The following ZSWIM8 variants were observed in gnomAD, a reference collection of about 807,000 sequenced individuals.
ZSWIM8 encodes zinc finger SWIM-type containing 8.
In ZSWIM8, 27 loss-of-function variants were observed where a neutral mutation model predicts 173.7. The ratio of observed to expected loss-of-function variants is 0.16; its 90% CI spans 0.11 to 0.21. The LOEUF (loss-of-function observed/expected upper bound fraction) is 0.21. Among genes scored for constraint, ZSWIM8 ranks in the 10% least tolerant of loss-of-function variants. The pLI is 1.00. For missense variants in ZSWIM8, 1,627 were observed against 2,428.8 expected, an observed-to-expected ratio of 0.67 and a Z score of 6.94; for synonymous variants, 958 against 962.0, an observed-to-expected ratio of 1.00 and a Z score of 0.08.
At position 73,792,379 on chromosome 10, in the gene ZSWIM8, C is replaced by T. The variant is rs1051184971; in HGVS notation, c.1840C>T (p.Leu614=). Residue 614 remains leucine (L), a synonymous_variant, in exon 10 of 26, where the codon CTG becomes TTG. Transcript: ENST00000604729. This position sits in a 1 kb window ranked among gnomAD's most constrained non-coding sequence, Gnocchi z 4.3. The part of the protein sequence containing the change: ...KRRLSSEDSS[L]EPDLAEMSLD... ...ACGGCTGAGCAGCGAAGACAGCTCC[C>T]TGGAGCCAGACCTGGCCGAGATGAG... is the stretch of plus-strand genomic sequence containing the variant. 54 of 1,607,580 alleles carry T rather than the reference C, an allele frequency of 3.4e-5. No individual in the cohort carries two copies. The highest frequency in any genetic ancestry group is 4.6e-5 in the Non-Finnish European group (54 of 1,177,160).
At position 73,789,392 on chromosome 10, in the gene ZSWIM8, G is replaced by T; in HGVS notation, c.483G>T (p.Val161=). The part of the protein sequence containing the change: ...QIGFHLSATV[V]PPQMVPPKGA... The stretch of plus-strand genomic sequence containing the variant: ...GGTTCCACCTGAGTGCTACAGTGGT[G>T]CCACCTCAGATGGTCCCTCCTAAAG... Residue 161 remains valine (V), a synonymous_variant, in exon 4 of 26, where the codon GTG becomes GTT. Coordinates refer to ENST00000604729, the MANE Select transcript of ZSWIM8 (RefSeq NM_001367799.1). This position sits in a 1 kb window ranked among gnomAD's most constrained non-coding sequence, Gnocchi z 6.8. The T allele has an allele frequency of 5.7e-6, 9 of 1,569,510 alleles. No homozygotes were observed. Among genetic ancestry groups the T allele is most frequent in the Non-Finnish European group, 7.8e-6 (9 of 1,156,812 alleles).
chr10:73,801,705 G>T lies in ZSWIM8; in HGVS notation c.*186G>T. 6.5e-7 allele frequency: 1 copy of T among 1,532,960 alleles called. No individual in the cohort carries two copies. The highest frequency in any genetic ancestry group is 8.7e-7 in the Non-Finnish European group (1 of 1,145,622). 95.0% of individuals were successfully genotyped at this position (1,532,960 alleles called of 1,614,324 possible). On this transcript the variant is annotated 3_prime_UTR_variant, in exon 26 of 26. Coordinates refer to ENST00000604729, the MANE Select transcript of ZSWIM8 (RefSeq NM_001367799.1). This position sits in a 1 kb window ranked among gnomAD's most constrained non-coding sequence, Gnocchi z 4.9. ...CTCACACCCTAGAAGCCTAGGGCTGGGGGAGACAGCCCTGTCTGGGAGGGG... is the reference window on the plus strand; with the variant it reads ...CTCACACCCTAGAAGCCTAGGGCTGTGGGAGACAGCCCTGTCTGGGAGGGG...
Position 73,796,824 on chromosome 10 carries a change from G to A in ZSWIM8, c.3084G>A (p.Thr1028=). 6.2e-7 allele frequency: 1 copy of A among 1,613,978 alleles called. No individual in the cohort carries two copies. Among genetic ancestry groups the A allele is most frequent in the Non-Finnish European group, 8.5e-7 (1 of 1,179,904 alleles). Residue 1028 remains threonine (T), a synonymous_variant, in exon 16 of 26, where the codon ACG becomes ACA. Coordinates refer to ENST00000604729, the MANE Select transcript of ZSWIM8 (RefSeq NM_001367799.1). ...AGAGCCAGACACATAAGCCACAGAC[G>A]CTGAGTTCTTTCTACTCATCTAGCC... ...DRESQTHKPQ[T]LSSFYSSSRP...
Position 73,792,132 on chromosome 10 carries a change from C to T in ZSWIM8, c.1593C>T (p.Pro531=), listed in dbSNP as rs2083438142. 1 of 1,530,732 alleles carries T rather than the reference C, an allele frequency of 6.5e-7. No individual in the cohort carries two copies. The highest frequency in any genetic ancestry group is 8.8e-7 in the Non-Finnish European group (1 of 1,138,292). 94.8% of individuals were successfully genotyped at this position (1,530,732 alleles called of 1,614,324 possible). The change falls in exon 10 of 26, where the codon CCC becomes CCT. Residue 531 remains proline, a synonymous_variant. Transcript: ENST00000604729. The surrounding 1 kb of genome is among the most constrained non-coding windows in gnomAD (Gnocchi z 4.3). ...SGGLEESRDR[P]RPLPTEPAVR... ...GCCTGGAGGAATCCCGGGACCGGCC[C>T]CGACCCCTTCCTACTGAGCCAGCTG...
chr10:73,798,897 T>G, intron 20 of ZSWIM8, 105 bp from the exon 21 acceptor site: 1 of 1,452,190 alleles, frequency 6.9e-7, no homozygotes, highest in Non-Finnish European at 9.3e-7. Context: ...CTCTGATGAT[T>G]CCCTGGGAAT....
Position 73,791,861 on chromosome 10 carries a change from G to A in ZSWIM8, c.1322G>A (p.Arg441His), listed in dbSNP as rs1460209880. Residue 441 changes from arginine (R) to histidine (H), a missense_variant and splice_region_variant, in exon 10 of 26, where the codon CGC becomes CAC. By Grantham distance (29) the Arg-to-His change is conservative (BLOSUM62 0). Coordinates refer to ENST00000604729, the MANE Select transcript of ZSWIM8 (RefSeq NM_001367799.1). This position sits in a 1 kb window ranked among gnomAD's most constrained non-coding sequence, Gnocchi z 6.0. The stretch of plus-strand genomic sequence containing the variant: ...CCTCCTGCCCCTTGTTCCCACAGGC[G>A]CCGGGAACTGTGTACGCAGCTGCGG... ...VLDPALSPQR[R>H]RELCTQLRQW... The A allele has an allele frequency of 1.3e-6, 2 of 1,510,296 alleles. No homozygotes were observed. Among genetic ancestry groups the A allele is most frequent in the South Asian group, 1.3e-5 (1 of 78,488 alleles). 93.6% of individuals were successfully genotyped at this position (1,510,296 alleles called of 1,614,324 possible).
Position 73,792,914 on chromosome 10 carries a change from A to G in ZSWIM8, c.2313+62A>G. ...TAGCCACAACTGGGAGGGGCTATCT[A>G]GCTCTAGTTGGGAGTGTCAGGACCA... is the stretch of plus-strand genomic sequence containing the variant. On this transcript the variant is annotated intron_variant, in intron 10 of 25. Coordinates refer to ENST00000604729, the MANE Select transcript of ZSWIM8 (RefSeq NM_001367799.1). This position sits in a 1 kb window ranked among gnomAD's most constrained non-coding sequence, Gnocchi z 4.3. 1 of 1,496,492 alleles carries G rather than the reference A, an allele frequency of 6.7e-7. No homozygotes were observed. The highest frequency in any genetic ancestry group is 8.9e-7 in the Non-Finnish European group (1 of 1,128,516). The allele number at this position is 1,496,492 out of a possible 1,614,324, so 92.7% of individuals were successfully genotyped here.
Position 73,799,341 on chromosome 10 carries a change from C to T in ZSWIM8, c.4516C>T (p.His1506Tyr), listed in dbSNP as rs1355421330. The T allele has an allele frequency of 3.1e-6, 5 of 1,610,588 alleles. No homozygotes were observed. The African/African-American group carries it at 4.0e-5, about 13-fold the overall frequency. Residue 1506 changes from histidine to tyrosine, a missense_variant, in exon 21 of 26, where the codon CAC (histidine) becomes TAC (tyrosine). Transcript: ENST00000604729. The part of the protein sequence containing the change: ...LYPGPGLGHG[H>Y]SPGLHPYTAL... ...CCCGGGTCCAGGACTGGGGCATGGC[C>T]ACTCCCCTGGCCTGCACCCCTACAC...
intron 20 of ZSWIM8, 96 bp downstream of exon 20, chr10:73,798,549 C>T (rs1470234127): frequency 7.0e-6 from 8 of 1,144,504 alleles, no homozygotes; most frequent in Non-Finnish European, 6.1e-6. Flanking sequence ...ATTCCCGTAT[C>T]CTGGAGTTTA....
chr10:73,796,685 G>A (rs1279517992), intron 15 of ZSWIM8, 89 bp from the exon 16 acceptor site: 2 of 1,536,704 alleles, frequency 1.3e-6, no homozygotes, highest in East Asian at 2.3e-5. Context: ...GCAATTGGCT[G>A]TTTCAAGGAG....
rs776343637 is a variant in ZSWIM8, at chr10:73,801,217, G to A, written c.5301+22G>A. The A allele has an allele frequency of 2.6e-5, 42 of 1,600,030 alleles. No individual in the cohort carries two copies. Among genetic ancestry groups the A allele is most frequent in the Non-Finnish European group, 3.1e-5 (36 of 1,172,142 alleles). On this transcript the variant is annotated intron_variant, in intron 25 of 25. Coordinates refer to ENST00000604729, the MANE Select transcript of ZSWIM8 (RefSeq NM_001367799.1). This position sits in a 1 kb window ranked among gnomAD's most constrained non-coding sequence, Gnocchi z 4.9. Reference sequence around the variant, plus strand: ...GCAGGTGACAACCTAGAATTATGGAGCAGGGTGGAGCACTTCCTGGGTGGT... The same window carrying A: ...GCAGGTGACAACCTAGAATTATGGAACAGGGTGGAGCACTTCCTGGGTGGT...
intron 21 of ZSWIM8, 121 bp from the exon 22 acceptor site, chr10:73,799,890 A>C: frequency 1.0e-6 from 1 of 1,004,164 alleles, no homozygotes; most frequent in East Asian, 2.5e-5. Context: ...TCCAGCCTGG[A>C]GGACAGAGCG....
chr10:73,792,011 C>A lies in ZSWIM8; in HGVS notation c.1472C>A (p.Pro491Gln). Residue 491 changes from proline to glutamine, a missense_variant, in exon 10 of 26, where the codon CCA becomes CAA. Transcript: ENST00000604729. This position sits in a 1 kb window ranked among gnomAD's most constrained non-coding sequence, Gnocchi z 4.3. ...ACYFNWEEAYPLPGVTYSGTD... is the reference protein window; with the variant it reads ...ACYFNWEEAYQLPGVTYSGTD... ...TACTTCAACTGGGAAGAGGCCTACCCACTTCCTGGTGTCACCTACAGCGGC... is the reference window on the plus strand; with the variant it reads ...TACTTCAACTGGGAAGAGGCCTACCAACTTCCTGGTGTCACCTACAGCGGC... The A allele has an allele frequency of 1.3e-6, 2 of 1,550,818 alleles. No individual in the cohort carries two copies. Among genetic ancestry groups the A allele is most frequent in the Non-Finnish European group, 1.7e-6 (2 of 1,146,616 alleles).
chr10:73,790,060 G>T (rs769701712), intron 6 of ZSWIM8, 23 bp downstream of exon 6: 2 of 1,610,090 alleles, frequency 1.2e-6, no homozygotes, highest in East Asian at 4.5e-5. Flanking sequence ...AGAAAGATTG[G>T]CAGTAGGAAG....
At chr10:73,796,332 G>A in intron 15 of ZSWIM8, 2 of 420,218 alleles carry the variant, frequency 4.8e-6, no homozygotes, top group South Asian at 3.5e-5. Flanking sequence ...CTGGGCAACA[G>A]AGCGAGACCC....
At chr10:73,786,139 CG>C in intron 1 of ZSWIM8, 53 bp downstream of exon 1, 1 of 1,462,432 alleles carries the variant, frequency 6.8e-7, no homozygotes, top group Non-Finnish European at 9.1e-7. Context: ...GGGCCTCGCT[CG>C]GGAGCTGTCC....
intron 7 of ZSWIM8, among the ~76,000 whole-genome samples, chr10:73,790,608 G>A (rs1358719515): frequency 6.6e-6 from 1 of 152,152 alleles, no homozygotes; most frequent in Non-Finnish European, 1.5e-5. Flanking sequence ...CAGCATTTTG[G>A]GAGGCTGACG....
Position 73,797,526 on chromosome 10 carries a change from C to T in ZSWIM8, c.3583C>T (p.Leu1195=). ...CATTAGCAGCTCTTCTTCGGACTCC[C>T]TGGGCTCCTCATCCTCCAGTGGAAG... The part of the protein sequence containing the change: ...DSISSSSSDS[L]GSSSSSGSRR... The change falls in exon 18 of 26, where the codon CTG becomes TTG. Residue 1195 remains leucine (L), a synonymous_variant. Transcript: ENST00000604729. The surrounding 1 kb of genome is among the most constrained non-coding windows in gnomAD (Gnocchi z 5.6). 6.2e-7 allele frequency: 1 copy of T among 1,613,972 alleles called. No homozygotes were observed. Among genetic ancestry groups the T allele is most frequent in the East Asian group, 2.2e-5 (1 of 44,872 alleles).
Position 73,792,221 on chromosome 10 carries a change from G to C in ZSWIM8, c.1682G>C (p.Arg561Pro). The part of the protein sequence containing the change: ...GLGEGVPSSQ[R>P]GPRRLSAEGG... ...GGTGAGGGGGTCCCCTCATCACAGC[G>C]GGGTCCCCGCCGCCTCTCAGCTGAA... The change falls in exon 10 of 26, where the codon CGG (arginine) becomes CCG (proline). Residue 561 changes from arginine (R) to proline (P), a missense_variant. Physicochemically the swap from Arg to Pro is moderately radical, Grantham distance 103. Coordinates refer to ENST00000604729, the MANE Select transcript of ZSWIM8 (RefSeq NM_001367799.1). The surrounding 1 kb of genome is among the most constrained non-coding windows in gnomAD (Gnocchi z 4.3). 1 of 1,552,922 alleles carries C rather than the reference G, an allele frequency of 6.4e-7. No homozygotes were observed. The highest frequency in any genetic ancestry group is 8.7e-7 in the Non-Finnish European group (1 of 1,149,264).
Sources: allele counts gnomAD v4.1 joint callset (sites outside exome capture counted in the v4.1 genomes callset), GRCh38; gene constraint gnomAD v4.1.1; non-coding constraint Gnocchi (gnomAD v3.1); transcripts MANE v1.5; gene names NCBI Gene and HGNC (gene_info 2026-07-23, HGNC 2026-07-21).